The following SYT2 variants were observed in gnomAD, a reference collection of about 807,000 sequenced individuals.
SYT2 encodes the protein synaptotagmin-2.
A neutral mutation model predicts 39.9 loss-of-function variants in SYT2; 15 were observed. That is an observed-to-expected ratio of 0.38 (90% CI 0.25 to 0.58). The LOEUF is 0.58. Among genes scored for constraint, SYT2 ranks in the 20% least tolerant of loss-of-function variants. The pLI is 0.70. For missense variants in SYT2, 389 were observed against 530.3 expected (o/e 0.73, Z 2.62); for synonymous variants, 181 against 204.5 (o/e 0.89, Z 0.98).
intron 1 of SYT2, among the ~76,000 whole-genome samples, chr1:202,626,918 G>A (rs540207827): frequency 6.6e-6 from 1 of 152,352 alleles, no homozygotes; most frequent in South Asian, 2.1e-4. Context: ...GGATTGAAGA[G>A]GCCACATGTG....
Position 202,645,591 on chromosome 1 carries a change from G to T in SYT2, c.-17-39802C>A, listed in dbSNP as rs141484599. Among the ~76,000 whole-genome samples the T allele has an allele frequency of 2.6e-3, 391 of 152,342 alleles. 1 individual carries two copies. Among genetic ancestry groups the T allele is most frequent in the African/African-American group, 8.9e-3 (368 of 41,570 alleles). On this transcript the variant is annotated intron_variant, in intron 1 of 8. Coordinates refer to ENST00000367268, the MANE Select transcript of SYT2 (RefSeq NM_177402.5). ...GGTTCCTTCTGATAAAATGGACCAA[G>T]AGACGCCTGAGCCTTATGCAAAGCT...
intron 3 of SYT2, 68 bp downstream of exon 3, chr1:202,604,387 C>T: frequency 6.5e-7 from 1 of 1,535,126 alleles, no homozygotes; most frequent in Non-Finnish European, 8.9e-7. Context: ...GCCTTTGCTT[C>T]CCCTTTCAGC....
chr1:202,625,073 GGTGT>G (rs1318360054), intron 1 of SYT2, among the ~76,000 whole-genome samples: 5 of 152,186 alleles, frequency 3.3e-5, no homozygotes, highest in African/African-American at 9.7e-5. Flanking sequence ...TGTGTAGTAG[GGTGT>G]GTGTGTGGTT....
chr1:202,613,068 C>CTTTT (rs146069389), intron 1 of SYT2, among the ~76,000 whole-genome samples: 2 of 75,120 alleles, frequency 2.7e-5, no homozygotes, highest in African/African-American at 1.2e-4. Flanking sequence ...TTGGTTCTTC[C>CTTTT]TTTTTTTTTT....
At chr1:202,642,792 G>GCAGGGTCCCATGCGCCC (rs1410878538) in intron 1 of SYT2, among the ~76,000 whole-genome samples, 1 of 152,196 alleles carries the variant, frequency 6.6e-6, no homozygotes, top group Non-Finnish European at 1.5e-5. Context: ...GGCAGGCGCT[G>GCAGGGTCCCATGCGCCC]CAGGGTCCCA....
At chr1:202,641,136 C>T (rs2149097053) in intron 1 of SYT2, among the ~76,000 whole-genome samples, 1 of 152,326 alleles carries the variant, frequency 6.6e-6, no homozygotes, top group African/African-American at 2.4e-5. Context: ...AAGTAATTTG[C>T]TCAAGGTCAC....
chr1:202,632,596 A>T, intron 1 of SYT2: 1 of 985,284 alleles, frequency 1.0e-6, no homozygotes, highest in Non-Finnish European at 1.2e-6. Flanking sequence ...GGGTGTTCCC[A>T]GGCATTACCC....
chr1:202,656,609 T>A (rs991094850), intron 1 of SYT2, among the ~76,000 whole-genome samples: 2 of 152,188 alleles, frequency 1.3e-5, no homozygotes, highest in African/African-American at 4.8e-5. Context: ...TTGGCAAGGA[T>A]GGTGCGAAGC....
rs1236149251 is a variant in SYT2 at position 202,646,774 on chromosome 1, G to A, written c.-17-40985C>T. ...CAGAGGGCTGAAGGAATAAGGGAAG[G>A]AGCATCTTACTCCACCCTCAGCCTT... On this transcript the variant is annotated intron_variant, in intron 1 of 8. Transcript: ENST00000367268. 3.3e-5 allele frequency among the ~76,000 whole-genome samples: 5 copies of A among 152,134 alleles called. No individual in the cohort carries two copies. In the South Asian group the frequency reaches 6.2e-4, roughly 19 times the overall value.
chr1:202,635,130 A>G (rs564881977), intron 1 of SYT2, among the ~76,000 whole-genome samples: 4 of 152,350 alleles, frequency 2.6e-5, no homozygotes, highest in African/African-American at 9.6e-5. Context: ...CAATTTAATG[A>G]TAAGGCTCAG....
Position 202,623,812 on chromosome 1 carries a change from G to A in SYT2, c.-17-18023C>T, listed in dbSNP as rs1332705623. ...GTGGGCAACTGCCAGCTGGGGGAGC[G>A]CTCACCAGGGGAAAGGGGAGCTCTC... On this transcript the variant is annotated intron_variant, in intron 1 of 8. Transcript: ENST00000367268. The surrounding 1 kb of genome is among the most constrained non-coding windows in gnomAD (Gnocchi z 4.2). 2.0e-5 allele frequency among the ~76,000 whole-genome samples: 3 copies of A among 152,112 alleles called. No homozygotes were observed. Among genetic ancestry groups the A allele is most frequent in the Non-Finnish European group, 2.9e-5 (2 of 68,034 alleles).
chr1:202,673,612 G>A (rs978573120), intron 1 of SYT2, among the ~76,000 whole-genome samples: 3 of 152,184 alleles, frequency 2.0e-5, no homozygotes, highest in Non-Finnish European at 1.5e-5. Context: ...CCCAGGGAAT[G>A]AGGCCATAGT....
intron 1 of SYT2, chr1:202,632,470 T>TA: frequency 1.3e-6 from 1 of 794,704 alleles, no homozygotes; most frequent in Non-Finnish European, 1.5e-6. Flanking sequence ...ACTGACTCTA[T>TA]AACCAGTGGA....
At chr1:202,678,169 G>A (rs922071330) in intron 1 of SYT2, among the ~76,000 whole-genome samples, 24 of 150,644 alleles carry the variant, frequency 1.6e-4, no homozygotes, top group Admixed American at 1.6e-3. Context: ...AGCTACTTGG[G>A]AGGCTGAGGC....
At chr1:202,630,611 A>G (rs1691557536) in intron 1 of SYT2, among the ~76,000 whole-genome samples, 1 of 152,164 alleles carries the variant, frequency 6.6e-6, no homozygotes, top group Admixed American at 6.5e-5. Flanking sequence ...ACCACCCTGG[A>G]AAGTGCAGTG....
chr1:202,647,233 C>T (rs909735798), intron 1 of SYT2, among the ~76,000 whole-genome samples: 23 of 152,208 alleles, frequency 1.5e-4, no homozygotes, highest in African/African-American at 3.1e-4. Flanking sequence ...TCTACAGAAA[C>T]GCTGGAGCTG....
At chr1:202,600,298 A>G (rs1277160878) in intron 7 of SYT2, 59 bp downstream of exon 7, 1 of 1,418,746 alleles carries the variant, frequency 7.0e-7, no homozygotes, top group African/African-American at 1.4e-5. Flanking sequence ...AAACTCTGGG[A>G]CTTGGTGCTG....
intron 1 of SYT2, among the ~76,000 whole-genome samples, chr1:202,620,079 T>C (rs1260705324): frequency 6.6e-6 from 1 of 152,178 alleles, no homozygotes; most frequent in Admixed American, 6.5e-5. Flanking sequence ...AGGGGGAGTC[T>C]CCAATAGTGG....
chr1:202,655,065 A>C (rs1692256407), intron 1 of SYT2, among the ~76,000 whole-genome samples: 1 of 152,198 alleles, frequency 6.6e-6, no homozygotes. Flanking sequence ...TCCTAGAGTC[A>C]GACCAGGTGT....
Sources: gnomAD v4.1 joint callset for allele counts (sites outside exome capture counted in the v4.1 genomes callset) on GRCh38, gnomAD v4.1.1 for gene constraint, Gnocchi (gnomAD v3.1) non-coding constraint, MANE v1.5 for transcripts, NCBI Gene and HGNC (gene_info 2026-07-23, HGNC 2026-07-21) for gene names.